The following SYMPK variants were observed in gnomAD, a reference collection of about 807,000 sequenced individuals.
The protein encoded by SYMPK is symplekin.
In SYMPK, 49 loss-of-function variants were observed where a neutral mutation model predicts 136.4. The ratio of observed to expected loss-of-function variants is 0.36; its 90% CI spans 0.29 to 0.46. The LOEUF (loss-of-function observed/expected upper bound fraction) is 0.46. Ranked by LOEUF, SYMPK falls within the 20% of genes least tolerant of loss-of-function variation. SYMPK has a pLI of 1.00. For missense variants in SYMPK, 1,365 were observed against 1,690.0 expected, an observed-to-expected ratio of 0.81 and a Z score of 3.37; for synonymous variants, 766 against 713.0, an observed-to-expected ratio of 1.07 and a Z score of -1.19.
At position 45,842,237 on chromosome 19, in the gene SYMPK, C is replaced by T. The variant is rs1475403143; in HGVS notation, c.1087+13G>A. 2 of 1,613,766 alleles carry T rather than the reference C, an allele frequency of 1.2e-6. No individual in the cohort carries two copies. Among genetic ancestry groups the T allele is most frequent in the Admixed American group, 3.3e-5 (2 of 59,984 alleles). On this transcript the variant is annotated intron_variant, in intron 9 of 26. Coordinates refer to ENST00000245934, the MANE Select transcript of SYMPK (RefSeq NM_004819.3). ...GCATGGTCTGCCTGCCCCACCCCAC[C>T]AGCCCCTCTCACCCAGCTTCATCTT...
At chr19:45,850,188 T>A (rs1211592075) in intron 5 of SYMPK, among the ~76,000 whole-genome samples, 1 of 152,118 alleles carries the variant, frequency 6.6e-6, no homozygotes, top group Non-Finnish European at 1.5e-5. Context: ...GAGGTTGTAG[T>A]CAGCCGAGAT....
In SYMPK at chr19:45,821,237, G is replaced by C. The variant is rs1372291873; in HGVS notation, c.2893+147C>G. The stretch of plus-strand genomic sequence containing the variant: ...AGAGGAGGCAAGAAAAGGAGGGAGG[G>C]AGGGAGGTGGCTCTCCAGAGCTCTG... On this transcript the variant is annotated intron_variant, in intron 22 of 26. Coordinates refer to ENST00000245934, the MANE Select transcript of SYMPK (RefSeq NM_004819.3). This position sits in a 1 kb window ranked among gnomAD's most constrained non-coding sequence, Gnocchi z 4.4. The C allele has an allele frequency of 2.8e-6, 2 of 712,782 alleles. No homozygotes were observed. Among genetic ancestry groups the C allele is most frequent in the Non-Finnish European group, 5.1e-6 (2 of 392,794 alleles). The allele number at this position is 712,782 out of a possible 1,614,324, so 44.2% of individuals were successfully genotyped here.
Position 45,857,094 on chromosome 19 carries a change from G to A in SYMPK, c.-12-2587C>T, listed in dbSNP as rs116348332. Among the ~76,000 whole-genome samples, 839 of 152,058 alleles carry A rather than the reference G, an allele frequency of 5.5e-3. 8 individuals are homozygous for A. The highest frequency in any genetic ancestry group is 0.019 in the African/African-American group (800 of 41,468). ...GATCACGCCACTGCACTCCAGCCTGGACGAGAATGAGACTGTCTTAAAAAC... is the reference window on the plus strand; with the variant it reads ...GATCACGCCACTGCACTCCAGCCTGAACGAGAATGAGACTGTCTTAAAAAC... On this transcript the variant is annotated intron_variant, in intron 1 of 26. Transcript: ENST00000245934.
At position 45,846,279 on chromosome 19, in the gene SYMPK, G is replaced by A. The variant is rs146154797; in HGVS notation, c.676+1473C>T. Among the ~76,000 whole-genome samples, 476 of 152,290 alleles carry A rather than the reference G, an allele frequency of 3.1e-3. 3 individuals carry two copies. Among genetic ancestry groups the A allele is most frequent in the African/African-American group, 0.011 (459 of 41,562 alleles). ...AAAAATCTAAATGACCATCAACAGA[G>A]CATTGCTTAATAGAATGTAATGTAA... On this transcript the variant is annotated intron_variant, in intron 7 of 26. Transcript: ENST00000245934.
At position 45,848,742 on chromosome 19, in the gene SYMPK, G is replaced by A. The variant is rs1014385374; in HGVS notation, c.426+8C>T. 4.3e-6 allele frequency: 7 copies of A among 1,613,026 alleles called. No individual in the cohort carries two copies. The highest frequency in any genetic ancestry group is 2.2e-5 in the South Asian group (2 of 91,038). On this transcript the variant is annotated splice_region_variant and intron_variant, in intron 6 of 26. Coordinates refer to ENST00000245934, the MANE Select transcript of SYMPK (RefSeq NM_004819.3). ...CAGGATGGCCCTGGGTGGGGAGGGCGCTCTCACCTGCAGGGCCACCTTGTA... is the reference window on the plus strand; with the variant it reads ...CAGGATGGCCCTGGGTGGGGAGGGCACTCTCACCTGCAGGGCCACCTTGTA...
intron 6 of SYMPK, 146 bp from the exon 7 acceptor site, chr19:45,848,147 C>T: frequency 9.2e-7 from 1 of 1,084,544 alleles, no homozygotes; most frequent in Non-Finnish European, 1.3e-6. Flanking sequence ...CCAACTCTGC[C>T]CCAGCCCAGT....
chr19:45,830,951 TGTG>T (rs1555794311), intron 12 of SYMPK: 2 of 135,660 alleles, frequency 1.5e-5, no homozygotes, highest in South Asian at 4.6e-4. Flanking sequence ...GGCTGGATTT[TGTG>T]GTGTGTAAGG....
At chr19:45,822,150 A>G (rs937700516) in intron 21 of SYMPK, among the ~76,000 whole-genome samples, 1 of 124,760 alleles carries the variant, frequency 8.0e-6, no homozygotes, top group Non-Finnish European at 1.6e-5. Flanking sequence ...ATGGAGTCTC[A>G]CTCTGTCATC....
rs1351533600 is a variant in SYMPK at position 45,815,646 on chromosome 19, G to A, written c.3739C>T (p.Leu1247Phe). The change falls in exon 27 of 27, where the codon CTC becomes TTC. Residue 1247 changes from leucine to phenylalanine, a missense_variant. Transcript: ENST00000245934. ...ATAGCATCTTCTCCAACAGGTGCGA[G>A]GGTCTGGGGGCTCCGCTCCTCCTTC... ...TLKEERSPQT[L>F]APVGEDAMKT... 6.2e-6 allele frequency: 10 copies of A among 1,610,452 alleles called. No homozygotes were observed. The highest frequency in any genetic ancestry group is 1.7e-5 in the Admixed American group (1 of 59,498).
At chr19:45,856,405 A>C (rs917151169) in intron 1 of SYMPK, among the ~76,000 whole-genome samples, 12 of 152,158 alleles carry the variant, frequency 7.9e-5, no homozygotes, top group Non-Finnish European at 1.6e-4. Context: ...GTTGCATCAG[A>C]GGACAATACA....
intron 8 of SYMPK, 90 bp from the exon 9 acceptor site, chr19:45,842,579 T>G: frequency 1.2e-4 from 192 of 1,543,524 alleles, no homozygotes; most frequent in Non-Finnish European, 1.5e-4. Context: ...TGGGCAGTGG[T>G]CTTGCAGGCA....
intron 1 of SYMPK, chr19:45,854,859 T>C: frequency 4.2e-6 from 1 of 237,246 alleles, no homozygotes; most frequent in South Asian, 7.1e-5. Flanking sequence ...TGCTTTGGAC[T>C]GGGCACCACA....
rs1398601384 is a variant in SYMPK, at chr19:45,822,866, G to A, written c.2701-20C>T. 3.8e-6 allele frequency: 6 copies of A among 1,587,946 alleles called. No individual in the cohort carries two copies. Among genetic ancestry groups the A allele is most frequent in the Non-Finnish European group, 5.2e-6 (6 of 1,156,746 alleles). ...CTCTTTCTACAGGGAGAAGGTGGTG[G>A]GGGTGGGAGTTGAGTCACATACACC... On this transcript the variant is annotated intron_variant, in intron 20 of 26. Coordinates refer to ENST00000245934, the MANE Select transcript of SYMPK (RefSeq NM_004819.3).
At position 45,847,981 on chromosome 19, in the gene SYMPK, G is replaced by A; in HGVS notation, c.447C>T (p.Val149=). 6.3e-7 allele frequency: 1 copy of A among 1,597,014 alleles called. No individual in the cohort carries two copies. The highest frequency in any genetic ancestry group is 8.6e-7 in the Non-Finnish European group (1 of 1,167,868). ...AGCAGGCCTCCTGTAGCTCGCTAAT[G>A]ACCCGTGACTTTACCATCCACTGCC... ...VALQWMVKSR[V]ISELQEACWD... Residue 149 remains valine, a synonymous_variant, in exon 7 of 27, where the codon GTC becomes GTT. Coordinates refer to ENST00000245934, the MANE Select transcript of SYMPK (RefSeq NM_004819.3).
chr19:45,830,003 C>T (rs548857048), intron 13 of SYMPK, 51 bp downstream of exon 13: 5 of 1,511,768 alleles, frequency 3.3e-6, no homozygotes, highest in Admixed American at 2.1e-5. Flanking sequence ...GTGAGGTAGA[C>T]GTTTGGGTAG....
intron 12 of SYMPK, 102 bp downstream of exon 12, chr19:45,831,282 T>TACACACAC (rs67226135): frequency 9.6e-5 from 65 of 675,314 alleles, no homozygotes; most frequent in African/African-American, 1.1e-4. Flanking sequence ...GCATCTCAGT[T>TACACACAC]ACACACACAC....
chr19:45,840,308 GTC>G lies in SYMPK; in HGVS notation c.1088-1695_1088-1694del, dbSNP rs1184031587. 4.2e-5 allele frequency among the ~76,000 whole-genome samples: 4 copies of G among 95,708 alleles called. No homozygotes were observed. In the Admixed American group the frequency reaches 5.7e-4, roughly 14 times the overall value. 62.8% of individuals were successfully genotyped at this position (95,708 alleles called of 152,430 possible). On this transcript the variant is annotated intron_variant, in intron 9 of 26. Coordinates refer to ENST00000245934, the MANE Select transcript of SYMPK (RefSeq NM_004819.3). ...CCAGCCTGGGTGACAGAGCGAGACTGTCTCAAAAAAAAAAAAAAAAAAAAAAA... is the reference window on the plus strand; with the variant it reads ...CCAGCCTGGGTGACAGAGCGAGACTGTCAAAAAAAAAAAAAAAAAAAAAAA...
Position 45,821,233 on chromosome 19 carries a change from G to A in SYMPK, c.2893+151C>T, listed in dbSNP as rs1970883434. The A allele has an allele frequency of 1.4e-6, 1 of 710,306 alleles. No individual in the cohort carries two copies. Among genetic ancestry groups the A allele is most frequent in the South Asian group, 1.5e-5 (1 of 67,894 alleles). 44.0% of individuals were successfully genotyped at this position (710,306 alleles called of 1,614,324 possible). On this transcript the variant is annotated intron_variant, in intron 22 of 26. Coordinates refer to ENST00000245934, the MANE Select transcript of SYMPK (RefSeq NM_004819.3). The surrounding 1 kb of genome is among the most constrained non-coding windows in gnomAD (Gnocchi z 4.4). Reference sequence around the variant, plus strand: ...GGGAAGAGGAGGCAAGAAAAGGAGGGAGGGAGGGAGGTGGCTCTCCAGAGC... The same window carrying A: ...GGGAAGAGGAGGCAAGAAAAGGAGGAAGGGAGGGAGGTGGCTCTCCAGAGC...
At position 45,854,414 on chromosome 19, in the gene SYMPK, C is replaced by A. The variant is rs371089842; in HGVS notation, c.82G>T (p.Asp28Tyr). Residue 28 changes from aspartate to tyrosine, a missense_variant, in exon 2 of 27, where the codon GAT (aspartate) becomes TAT (tyrosine). Asp to Tyr is a radical substitution (Grantham distance 160). This residue lies in a region of SYMPK where 61 missense variants were observed against 80.7 expected (regional missense o/e 0.76). Transcript: ENST00000245934. ...FFTQEEGPGIDGMTTSERVVD... is the reference protein window; with the variant it reads ...FFTQEEGPGIYGMTTSERVVD... ...ACCCTCTCTGAGGTGGTCATGCCAT[C>A]GATGCCCGGCCCCTCCTCTTGAGTG... 1.2e-6 allele frequency: 2 copies of A among 1,614,150 alleles called. No individual in the cohort carries two copies. The highest frequency in any genetic ancestry group is 4.5e-5 in the East Asian group (2 of 44,882).
Sources: allele counts gnomAD v4.1 joint callset (sites outside exome capture counted in the v4.1 genomes callset), GRCh38; gene constraint gnomAD v4.1.1; regional missense constraint gnomAD v4.1.1; non-coding constraint Gnocchi (gnomAD v3.1); transcripts MANE v1.5; gene names NCBI Gene and HGNC (gene_info 2026-07-23, HGNC 2026-07-21).